The following ABCC6 variants were observed in gnomAD, a reference collection of about 807,000 sequenced individuals.
ABCC6 encodes the protein ATP-binding cassette sub-family C member 6.
In ABCC6, 126 loss-of-function variants were observed where a neutral mutation model predicts 169.5. The ratio of observed to expected loss-of-function variants is 0.74; its 90% CI spans 0.64 to 0.86. The LOEUF is 0.86. Ranked by LOEUF, ABCC6 falls within the 40% of genes least tolerant of loss-of-function variation. The pLI is 0.00. For missense variants in ABCC6, 1,733 were observed against 1,927.2 expected (o/e 0.90, Z 1.89); for synonymous variants, 752 against 814.7 (o/e 0.92, Z 1.31).
intron 23 of ABCC6, 54 bp from the exon 24 acceptor site, chr16:16,163,246 A>G (rs2046783045): frequency 6.5e-7 from 1 of 1,548,870 alleles, no homozygotes; most frequent in African/African-American, 1.4e-5. Flanking sequence ...ATAGAGAGGT[A>G]GTTTCCAGAA....
At chr16:16,204,730 A>G (rs2048339339) in intron 7 of ABCC6, among the ~76,000 whole-genome samples, 2 of 152,116 alleles carry the variant, frequency 1.3e-5, no homozygotes, top group African/African-American at 2.4e-5. Flanking sequence ...GGGCGGGGAC[A>G]CTGCTCCTCT....
chr16:16,204,299 G>A (rs1303679468), intron 7 of ABCC6, among the ~76,000 whole-genome samples: 1 of 152,184 alleles, frequency 6.6e-6, no homozygotes, highest in Non-Finnish European at 1.5e-5. Flanking sequence ...GAGGTGATCT[G>A]CTCGCCTTGG....
Position 16,150,791 on chromosome 16 carries a change from A to G in ABCC6, c.4209-19T>C, listed in dbSNP as rs1477539436. 1.2e-6 allele frequency: 2 copies of G among 1,612,370 alleles called. No homozygotes were observed. Among genetic ancestry groups the G allele is most frequent in the South Asian group, 1.1e-5 (1 of 90,730 alleles). ...GCCCACGCTGGGAACGATTGGGACA[A>G]TTAGCTGGGACGTGCGTTTGTCGGC... On this transcript the variant is annotated intron_variant, in intron 29 of 30. Coordinates refer to ENST00000205557, the MANE Select transcript of ABCC6 (RefSeq NM_001171.6).
intron 22 of ABCC6, among the ~76,000 whole-genome samples, chr16:16,166,601 C>T (rs980255384): frequency 1.3e-5 from 2 of 151,536 alleles, no homozygotes; most frequent in African/African-American, 2.4e-5. Flanking sequence ...CACGAGGGGC[C>T]GGGCACAGTG....
intron 26 of ABCC6, among the ~76,000 whole-genome samples, chr16:16,158,017 ATTG>A (rs1255351018): frequency 1.3e-5 from 2 of 152,160 alleles, no homozygotes; most frequent in Admixed American, 6.5e-5. Context: ...AGTCTATTTT[ATTG>A]TTATTATTAG....
At chr16:16,169,567 G>A (rs564869735) in intron 22 of ABCC6, 79 bp downstream of exon 22, 1 of 1,516,840 alleles carries the variant, frequency 6.6e-7, no homozygotes, top group East Asian at 2.3e-5. Context: ...GTGACCCAGG[G>A]AGGGGTGGGG....
intron 23 of ABCC6, among the ~76,000 whole-genome samples, chr16:16,163,870 G>A (rs990440933): frequency 3.3e-5 from 5 of 152,090 alleles, no homozygotes; most frequent in African/African-American, 4.8e-5. Flanking sequence ...TCCAAGGCTC[G>A]GGGGATTCAG....
chr16:16,162,983 C>A lies in ABCC6; in HGVS notation c.3506+10G>T. The A allele has an allele frequency of 6.2e-7, 1 of 1,614,056 alleles. No individual in the cohort carries two copies. The highest frequency in any genetic ancestry group is 1.1e-5 in the South Asian group (1 of 91,088). ...AATTGCAAGGTCTTCTCTGCCCTGGCTCTTCCTACCTGTCAGCCACCAGTC... is the reference window on the plus strand; with the variant it reads ...AATTGCAAGGTCTTCTCTGCCCTGGATCTTCCTACCTGTCAGCCACCAGTC... On this transcript the variant is annotated intron_variant, in intron 24 of 30. Transcript: ENST00000205557.
chr16:16,198,792 G>A (rs1025337511), intron 9 of ABCC6, among the ~76,000 whole-genome samples: 1 of 151,540 alleles, frequency 6.6e-6, no homozygotes, highest in Non-Finnish European at 1.5e-5. Flanking sequence ...TCAGGAGGTG[G>A]AGACCAGCCT....
In ABCC6 at chr16:16,184,968, C is replaced by A. The variant is rs763559553; in HGVS notation, c.1934G>T (p.Cys645Phe). The change falls in exon 15 of 31, where the codon TGC (cysteine) becomes TTC (phenylalanine). Residue 645 changes from cysteine to phenylalanine, a missense_variant. Coordinates refer to ENST00000205557, the MANE Select transcript of ABCC6 (RefSeq NM_001171.6). ...TFAWSQESPP[C>F]LHRINLTVPQ... Reference sequence around the variant, plus strand: ...GGGTGTCGTTCTGTACCTGTGGAGGCAGGGAGGGCTTTCCTGGGACCAGGC... The same window carrying A: ...GGGTGTCGTTCTGTACCTGTGGAGGAAGGGAGGGCTTTCCTGGGACCAGGC... 5 of 1,613,404 alleles carry A rather than the reference C, an allele frequency of 3.1e-6. No homozygotes were observed. The highest frequency in any genetic ancestry group is 4.2e-6 in the Non-Finnish European group (5 of 1,179,342).
At chr16:16,215,509 T>C (rs2048835917) in intron 4 of ABCC6, among the ~76,000 whole-genome samples, 1 of 150,908 alleles carries the variant, frequency 6.6e-6, no homozygotes, top group African/African-American at 2.4e-5. Flanking sequence ...AGTCTTGCTT[T>C]GTCACCCAGG....
At chr16:16,193,872 G>A (rs1192506427) in intron 10 of ABCC6, among the ~76,000 whole-genome samples, 1 of 152,220 alleles carries the variant, frequency 6.6e-6, no homozygotes, top group Non-Finnish European at 1.5e-5. Context: ...GTCCTAAGAT[G>A]GGGATGTCAG....
chr16:16,198,101 G>C lies in ABCC6; in HGVS notation c.1258C>G (p.Leu420Val), dbSNP rs746428588. 8.3e-5 allele frequency: 134 copies of C among 1,613,522 alleles called. No individual in the cohort carries two copies. The highest frequency in any genetic ancestry group is 1.1e-4 in the Non-Finnish European group (130 of 1,179,840). The change falls in exon 10 of 31, where the codon CTG (leucine) becomes GTG (valine). Residue 420 changes from leucine (L) to valine (V), a missense_variant. Transcript: ENST00000205557. The stretch of plus-strand genomic sequence containing the variant: ...TTGAGGTAGAGGACGCTCTCGGTCA[G>C]CCGCTGCACGTCCACGGACACCAGA... ...VNLVSVDVQR[L>V]TESVLYLNGL...
Position 16,190,247 on chromosome 16 carries a change from G to T in ABCC6, c.1552C>A (p.Arg518=), listed in dbSNP as rs72650700. The T allele has an allele frequency of 1.9e-6, 3 of 1,614,064 alleles. No individual in the cohort carries two copies. The highest frequency in any genetic ancestry group is 2.7e-5 in the African/African-American group (2 of 75,012). ...CGCAAGGCGCCCAGCTCCTGGCCTC[G>T]GATGCCCAGGACTCTGTCCAGAAAG... is the stretch of plus-strand genomic sequence containing the variant. The part of the protein sequence containing the change: ...GAFLDRVLGI[R]GQELGALRTS... Residue 518 remains arginine, a synonymous_variant, in exon 12 of 31, where the codon CGA becomes AGA. Coordinates refer to ENST00000205557, the MANE Select transcript of ABCC6 (RefSeq NM_001171.6).
chr16:16,201,435 A>T (rs879429928), intron 9 of ABCC6, among the ~76,000 whole-genome samples: 1 of 152,224 alleles, frequency 6.6e-6, no homozygotes, highest in Non-Finnish European at 1.5e-5. Flanking sequence ...CAGTGAGAAC[A>T]GCTGCAAAGG....
At chr16:16,188,785 C>A in intron 13 of ABCC6, 46 bp downstream of exon 13, 1 of 1,593,090 alleles carries the variant, frequency 6.3e-7, no homozygotes, top group Non-Finnish European at 8.5e-7. Flanking sequence ...CCAGGTGTAG[C>A]CCACGCACTC....
chr16:16,183,898 G>A (rs1457478737), intron 15 of ABCC6, among the ~76,000 whole-genome samples: 6 of 151,980 alleles, frequency 3.9e-5, no homozygotes, highest in African/African-American at 2.4e-5. Context: ...CATTCCCACC[G>A]CCTAGAAGGT....
In ABCC6 at chr16:16,182,911, G is replaced by T. The variant is rs369410139; in HGVS notation, c.1963C>A (p.Gln655Lys). 25 of 1,614,106 alleles carry T rather than the reference G, an allele frequency of 1.5e-5. No individual in the cohort carries two copies. In the African/African-American group the frequency reaches 2.4e-4, roughly 15 times the overall value. ...CLHRINLTVP[Q>K]GCLLAVVGPV... ...CCGACAACAGCCAGCAGACAGCCCT[G>T]GGGCACCGTGAGGTTTATTCTGGAC... Residue 655 changes from glutamine (Q) to lysine (K), a missense_variant, in exon 16 of 31, where the codon CAG becomes AAG. By Grantham distance (53) the Gln-to-Lys change is moderately conservative. This residue lies in a region of ABCC6 where 1,601 missense variants were observed against 1,635.5 expected (regional missense o/e 0.98). Coordinates refer to ENST00000205557, the MANE Select transcript of ABCC6 (RefSeq NM_001171.6).
At chr16:16,191,826 T>C (rs2047869765) in intron 11 of ABCC6, among the ~76,000 whole-genome samples, 1 of 150,578 alleles carries the variant, frequency 6.6e-6, no homozygotes, top group South Asian at 2.1e-4. Flanking sequence ...CTTCCCTCCC[T>C]CCTTTCTTCC....
Sources: allele counts gnomAD v4.1 joint callset (sites outside exome capture counted in the v4.1 genomes callset), GRCh38; gene constraint gnomAD v4.1.1; regional missense constraint gnomAD v4.1.1; transcripts MANE v1.5; gene names NCBI Gene and HGNC (gene_info 2026-07-23, HGNC 2026-07-21).